Variants in PKP1 observed in about 807,000 individuals in gnomAD.
PKP1 encodes the protein plakophilin 1.
A neutral mutation model predicts 76.4 loss-of-function variants in PKP1; 27 were observed. The ratio of observed to expected loss-of-function variants is 0.35; its 90% CI spans 0.26 to 0.49. The LOEUF (loss-of-function observed/expected upper bound fraction) is 0.49, where lower values mean the gene tolerates loss of function less well. Among genes scored for constraint, PKP1 ranks in the 20% least tolerant of loss-of-function variants. PKP1 has a pLI of 0.99. For missense variants in PKP1, 964 were observed against 955.2 expected (o/e 1.01, Z -0.12); for synonymous variants, 404 against 384.2 (o/e 1.05, Z -0.60).
chr1:201,314,455 C>T (rs111445364), intron 3 of PKP1, among the ~76,000 whole-genome samples: 18,111 of 152,132 alleles, frequency 0.12, 1,803 homozygotes, highest in African/African-American at 0.28. Context: ...GAGTGAGACC[C>T]TGTCTCAAAC....
rs371461061 is a variant in PKP1, at chr1:201,318,679, G to C, written c.1116G>C (p.Leu372=). The change falls in exon 6 of 14, where the codon CTG becomes CTC. Residue 372 remains leucine, a synonymous_variant. Transcript: ENST00000367324. ...AGGAGGAACTCATTGCCGACGCCCT[G>C]CCTGTTCTGGCCGACCGCGTCATCA... ...ELKEELIADA[L]PVLADRVIIP... 1.2e-6 allele frequency: 2 copies of C among 1,612,226 alleles called. No homozygotes were observed. Among genetic ancestry groups the C allele is most frequent in the Non-Finnish European group, 1.7e-6 (2 of 1,179,940 alleles).
rs1371265264 is a variant in PKP1 at position 201,331,060 on chromosome 1, G to C, written c.*1019G>C. On this transcript the variant is annotated 3_prime_UTR_variant, in exon 14 of 14. Transcript: ENST00000367324. The stretch of plus-strand genomic sequence containing the variant: ...TCCCAGTGGAGAGGGGAACAAGTGG[G>C]GCTGGGCATATACCTATTCCGGCTT... The C allele has an allele frequency of 1.3e-5, 2 of 152,244 alleles. No homozygotes were observed. The highest frequency in any genetic ancestry group is 2.9e-5 in the Non-Finnish European group (2 of 68,050). 9.4% of individuals were successfully genotyped at this position (152,244 alleles called of 1,614,324 possible).
At chr1:201,320,165 G>A in intron 6 of PKP1, 102 bp from the exon 7 acceptor site, 1 of 779,024 alleles carries the variant, frequency 1.3e-6, no homozygotes, top group South Asian at 1.5e-5. Flanking sequence ...TCTCCTGCCT[G>A]TTCTCTCTCC....
chr1:201,326,497 C>T (rs1244762432), intron 12 of PKP1, among the ~76,000 whole-genome samples: 7 of 152,226 alleles, frequency 4.6e-5, no homozygotes, highest in Non-Finnish European at 1.0e-4. Flanking sequence ...CAGTGATAAG[C>T]ATGGACATAA....
intron 8 of PKP1, 152 bp downstream of exon 8, chr1:201,322,285 T>C: frequency 1.3e-6 from 1 of 791,720 alleles, no homozygotes; most frequent in Non-Finnish European, 2.0e-6. Flanking sequence ...GGGCTCAGGG[T>C]GCACTCTGGG....
chr1:201,328,632 A>ACATG, intron 12 of PKP1, 130 bp from the exon 13 acceptor site: 2 of 805,034 alleles, frequency 2.5e-6, no homozygotes, highest in South Asian at 2.7e-5. Context: ...TCGCCCTGAC[A>ACATG]CATGTACTTA....
chr1:201,292,395 G>A (rs1009561942), intron 1 of PKP1, among the ~76,000 whole-genome samples: 7 of 152,124 alleles, frequency 4.6e-5, no homozygotes, highest in East Asian at 1.9e-4. Context: ...TATCAACACC[G>A]CTAGGCCCCC....
At chr1:201,298,717 A>C (rs776116453) in intron 2 of PKP1, among the ~76,000 whole-genome samples, 12 of 152,108 alleles carry the variant, frequency 7.9e-5, no homozygotes, top group Non-Finnish European at 1.6e-4. Context: ...CTATTCATTG[A>C]CCCCATTTCT....
intron 3 of PKP1, among the ~76,000 whole-genome samples, chr1:201,314,477 CA>C (rs994630516): frequency 6.6e-6 from 1 of 151,784 alleles, no homozygotes; most frequent in African/African-American, 2.4e-5. Flanking sequence ...AACAAACAAA[CA>C]ACAACAACAA....
chr1:201,283,644 C>G lies in PKP1; in HGVS notation c.-59C>G. The G allele has an allele frequency of 1.4e-6, 2 of 1,460,012 alleles. No homozygotes were observed. The highest frequency in any genetic ancestry group is 1.9e-6 in the Non-Finnish European group (2 of 1,054,430). The allele number at this position is 1,460,012 out of a possible 1,614,324, so 90.4% of individuals were successfully genotyped here. ...CTCCTGCCCGCCCGCTGCACCGCACCTCGCCTCGCCTCTCTGCTCTCCTAG... is the reference window on the plus strand; with the variant it reads ...CTCCTGCCCGCCCGCTGCACCGCACGTCGCCTCGCCTCTCTGCTCTCCTAG... On this transcript the variant is annotated 5_prime_UTR_variant, in exon 1 of 14. Coordinates refer to ENST00000367324, the MANE Select transcript of PKP1 (RefSeq NM_001005337.3).
chr1:201,324,429 T>C lies in PKP1; in HGVS notation c.1682T>C (p.Met561Thr). The change falls in exon 10 of 14, where the codon ATG becomes ACG. Residue 561 changes from methionine (M) to threonine (T), a missense_variant and splice_region_variant. By Grantham distance (81) the Met-to-Thr change is moderately conservative. Coordinates refer to ENST00000367324, the MANE Select transcript of PKP1 (RefSeq NM_001005337.3). Reference sequence around the variant, plus strand: ...CATCATCTACTCCTTCTCTCTTAGATGTCCAGTGGCATGAGCCAGTTGATT... The same window carrying C: ...CATCATCTACTCCTTCTCTCTTAGACGTCCAGTGGCATGAGCCAGTTGATT... ...LQNLTASKGL[M>T]SSGMSQLIGL... The C allele has an allele frequency of 6.2e-7, 1 of 1,614,140 alleles. No homozygotes were observed. The highest frequency in any genetic ancestry group is 2.2e-5 in the East Asian group (1 of 44,872).
At chr1:201,288,179 TC>T (rs59082740) in intron 1 of PKP1, among the ~76,000 whole-genome samples, 2,471 of 152,266 alleles carry the variant, frequency 0.016, 62 homozygotes, top group African/African-American at 0.052. Context: ...TCTGCAGCTG[TC>T]AGAGGTTGGA....
chr1:201,312,588 C>T (rs1016753255), intron 2 of PKP1, among the ~76,000 whole-genome samples: 4 of 152,206 alleles, frequency 2.6e-5, no homozygotes, highest in South Asian at 2.1e-4. Context: ...ACAGCACCCA[C>T]GTAAAGAAAC....
intron 10 of PKP1, 22 bp from the exon 11 acceptor site, chr1:201,324,906 TCCTGACCCTGTGC>T (rs778925182): frequency 6.2e-7 from 1 of 1,600,910 alleles, no homozygotes; most frequent in Non-Finnish European, 8.5e-7. Context: ...TCCCCAGTCA[TCCTGACCCTGTGC>T]CCCAACTCGT....
chr1:201,328,423 A>G (rs41270945), intron 12 of PKP1: 10,878 of 383,904 alleles, frequency 0.028, 216 homozygotes, highest in Non-Finnish European at 0.041. Flanking sequence ...GTCAGAGGGA[A>G]GAACAATTGA....
chr1:201,316,149 C>CGGACGGACGGACGGACGGATGGAT (rs1558191684), intron 3 of PKP1: 1 of 124,068 alleles, frequency 8.1e-6, no homozygotes, highest in African/African-American at 4.0e-5. Context: ...GATGGACGGA[C>CGGACGGACGGACGGACGGATGGAT]GGATGGATGG....
At chr1:201,319,807 G>A in intron 6 of PKP1, 2 of 1,613,852 alleles carry the variant, frequency 1.2e-6, no homozygotes, top group Non-Finnish European at 8.5e-7. Flanking sequence ...GCTTCTTCCT[G>A]TCCCACAGAA....
intron 6 of PKP1, among the ~76,000 whole-genome samples, chr1:201,319,508 C>T (rs1214780992): frequency 1.3e-5 from 2 of 152,190 alleles, no homozygotes; most frequent in Non-Finnish European, 2.9e-5. Flanking sequence ...TGTGTCTCAA[C>T]TTGTGTTTCT....
Position 201,318,625 on chromosome 1 carries a change from C to G in PKP1, c.1062C>G (p.Leu354=), listed in dbSNP as rs750685057. The G allele has an allele frequency of 2.5e-6, 4 of 1,612,052 alleles. No individual in the cohort carries two copies. The African/African-American group carries it at 5.3e-5, about 22-fold the overall frequency. The change falls in exon 6 of 14, where the codon CTC becomes CTG. Residue 354 remains leucine (L), a synonymous_variant. Coordinates refer to ENST00000367324, the MANE Select transcript of PKP1 (RefSeq NM_001005337.3). ...ATGGTCTCTGACCCCCAGGGCTGCTCTGGAACCTGTCTTCCACTGACGAGC... is the reference window on the plus strand; with the variant it reads ...ATGGTCTCTGACCCCCAGGGCTGCTGTGGAACCTGTCTTCCACTGACGAGC... ...AEIQKQLTGL[L]WNLSSTDELK...
Sources: gnomAD v4.1 joint callset for allele counts (sites outside exome capture counted in the v4.1 genomes callset) on GRCh38, gnomAD v4.1.1 for gene constraint, MANE v1.5 for transcripts, NCBI Gene and HGNC (gene_info 2026-07-23, HGNC 2026-07-21) for gene names.